CSMD1: variants seen among roughly 807,000 people sequenced by gnomAD.
CSMD1 encodes the protein CUB and Sushi multiple domains 1, also known as CUB and sushi domain-containing protein 1.
CSMD1 carries 213 observed loss-of-function variants against 417.5 expected under a neutral mutation model. The ratio of observed to expected loss-of-function variants is 0.51; its 90% CI spans 0.46 to 0.57. The LOEUF (loss-of-function observed/expected upper bound fraction) is 0.57. CSMD1 is among the 20% of genes least tolerant of loss of function. The probability of loss-of-function intolerance (pLI) is 0.00; values close to 1 mark genes in which losing one functional copy is unlikely to be tolerated. For synonymous variants in CSMD1, 2,862 were observed against 1,736.8 expected, an observed-to-expected ratio of 1.65 and a Z score of -16.11; for missense variants, 6,923 against 4,529.7, an observed-to-expected ratio of 1.53 and a Z score of -15.17.
chr8:3,222,347 G>T (rs551054311), intron 28 of CSMD1, among the ~76,000 whole-genome samples: 3 of 151,526 alleles, frequency 2.0e-5, no homozygotes, highest in African/African-American at 7.3e-5. Flanking sequence ...CCAAGGTCTT[G>T]CTCTGTTGCT....
At chr8:3,126,469 C>T (rs1300750697) in intron 41 of CSMD1, among the ~76,000 whole-genome samples, 1 of 152,142 alleles carries the variant, frequency 6.6e-6, no homozygotes, top group East Asian at 1.9e-4. Flanking sequence ...AAGGTGTACA[C>T]TGAAGACTTT....
At chr8:3,613,554 C>T (rs1476726131) in intron 8 of CSMD1, among the ~76,000 whole-genome samples, 1 of 151,914 alleles carries the variant, frequency 6.6e-6, no homozygotes. Context: ...AAAAAAACAT[C>T]ATTACAAATT....
intron 1 of CSMD1, among the ~76,000 whole-genome samples, chr8:4,677,280 T>C (rs1805757351): frequency 6.6e-6 from 1 of 151,784 alleles, no homozygotes; most frequent in Non-Finnish European, 1.5e-5. Context: ...TCCAACAATG[T>C]AGTTAGAAAT....
chr8:3,628,868 G>GT (rs570765360), intron 7 of CSMD1, among the ~76,000 whole-genome samples: 8 of 149,682 alleles, frequency 5.3e-5, no homozygotes, highest in Non-Finnish European at 7.4e-5. Context: ...AATAATCTAA[G>GT]TTTTTTTAAA....
At chr8:3,905,494 G>C (rs1050958475) in intron 5 of CSMD1, among the ~76,000 whole-genome samples, 2 of 152,192 alleles carry the variant, frequency 1.3e-5, no homozygotes, top group African/African-American at 4.8e-5. Flanking sequence ...ACGTGTGAAA[G>C]ATCTCTGTGC....
chr8:4,463,752 G>T (rs143159571), intron 2 of CSMD1, among the ~76,000 whole-genome samples: 1 of 152,250 alleles, frequency 6.6e-6, no homozygotes, highest in African/African-American at 2.4e-5. Flanking sequence ...GGGGCTGAGG[G>T]AAAATAGTGA....
At chr8:4,681,877 A>G (rs1056506499) in intron 1 of CSMD1, among the ~76,000 whole-genome samples, 1 of 152,192 alleles carries the variant, frequency 6.6e-6, no homozygotes, top group African/African-American at 2.4e-5. Flanking sequence ...TGCAGAAAAA[A>G]ATGCTCAGAA....
chr8:4,578,336 T>TTC (rs1413521679), intron 2 of CSMD1, among the ~76,000 whole-genome samples: 2 of 127,136 alleles, frequency 1.6e-5, no homozygotes, highest in Admixed American at 7.6e-5. Flanking sequence ...CGGCTCATTT[T>TTC]TTTTTTTTTT....
intron 12 of CSMD1, among the ~76,000 whole-genome samples, chr8:3,454,698 G>C (rs1290265097): frequency 6.6e-6 from 1 of 152,182 alleles, no homozygotes; most frequent in Non-Finnish European, 1.5e-5. Flanking sequence ...AGTCTGATGG[G>C]CTTCCCCTTG....
At chr8:3,653,067 TAA>T (rs993388230) in intron 7 of CSMD1, among the ~76,000 whole-genome samples, 3 of 152,162 alleles carry the variant, frequency 2.0e-5, no homozygotes, top group African/African-American at 4.8e-5. Flanking sequence ...CAGCACTCAG[TAA>T]AGACTCATTC....
chr8:4,722,363 C>A (rs979554283), intron 1 of CSMD1, among the ~76,000 whole-genome samples: 2 of 152,068 alleles, frequency 1.3e-5, no homozygotes, highest in African/African-American at 4.8e-5. Flanking sequence ...TTATCAAAGG[C>A]AAACTTAACT....
At chr8:3,166,350 G>A (rs766940702) in intron 37 of CSMD1, among the ~76,000 whole-genome samples, 1 of 151,982 alleles carries the variant, frequency 6.6e-6, no homozygotes, top group Non-Finnish European at 1.5e-5. Context: ...GGCCAACATG[G>A]CCCTGAAACC....
chr8:3,656,746 C>T (rs912793746), intron 7 of CSMD1, among the ~76,000 whole-genome samples: 2 of 151,890 alleles, frequency 1.3e-5, no homozygotes, highest in African/African-American at 4.8e-5. Flanking sequence ...GCTAACATGG[C>T]GAAACCCCAT....
chr8:4,018,123 G>C (rs1441885606), intron 4 of CSMD1, among the ~76,000 whole-genome samples: 1 of 152,144 alleles, frequency 6.6e-6, no homozygotes, highest in South Asian at 2.1e-4. Context: ...ATCCTACAAA[G>C]TGTTTTGTGT....
rs902824387 is a variant in CSMD1 at position 3,997,913 on chromosome 8, G to T, written c.808C>A (p.Pro270Thr). The change falls in exon 5 of 70, where the codon CCA (proline) becomes ACA (threonine). Residue 270 changes from proline to threonine, a missense_variant. Pro to Thr is a conservative substitution (Grantham distance 38). Coordinates refer to ENST00000635120, the MANE Select transcript of CSMD1 (RefSeq NM_033225.6). ...DFLEISGTEA[P>T]SIWLTGMNLP... ...CTTCCCGGGACTTACCATATGGATG[G>T]AGCTTCCGTGCCACTGATCTCTAAG... 9 of 1,611,788 alleles carry T rather than the reference G, an allele frequency of 5.6e-6. No homozygotes were observed. Among genetic ancestry groups the T allele is most frequent in the Non-Finnish European group, 5.9e-6 (7 of 1,179,006 alleles).
At chr8:4,801,685 G>A (rs1360099882) in intron 1 of CSMD1, among the ~76,000 whole-genome samples, 1 of 151,788 alleles carries the variant, frequency 6.6e-6, no homozygotes, top group Non-Finnish European at 1.5e-5. Context: ...ATGGAGCCCT[G>A]TCCTTCTACA....
At chr8:3,926,090 C>CACACACAAACACCAT (rs1809672575) in intron 5 of CSMD1, among the ~76,000 whole-genome samples, 1 of 41,594 alleles carries the variant, frequency 2.4e-5, no homozygotes, top group African/African-American at 2.7e-4. Context: ...CATACACACA[C>CACACACAAACACCAT]ACACACACAC....
intron 2 of CSMD1, among the ~76,000 whole-genome samples, chr8:4,426,713 ATT>A (rs1797580859): frequency 6.8e-6 from 1 of 147,466 alleles, no homozygotes; most frequent in South Asian, 2.1e-4. Flanking sequence ...ATGCAGTAAT[ATT>A]TTATTACTAT....
At chr8:4,962,382 A>G (rs1449263108) in intron 1 of CSMD1, among the ~76,000 whole-genome samples, 1 of 151,864 alleles carries the variant, frequency 6.6e-6, no homozygotes, top group East Asian at 1.9e-4. Flanking sequence ...GCTTAATTTT[A>G]TAATTTTGTG....
Sources: allele counts gnomAD v4.1 joint callset (sites outside exome capture counted in the v4.1 genomes callset), GRCh38; gene constraint gnomAD v4.1.1; transcripts MANE v1.5; gene names NCBI Gene and HGNC (gene_info 2026-07-23, HGNC 2026-07-21).